The following PDE11A variants were observed in gnomAD, a reference collection of about 807,000 sequenced individuals.
PDE11A encodes the protein phosphodiesterase 11A.
In PDE11A, 100 loss-of-function variants were observed where a neutral mutation model predicts 100.5. That is an observed-to-expected ratio of 1.00 (90% CI 0.85 to 1.18). PDE11A has a LOEUF of 1.18. Among genes scored for constraint, PDE11A ranks in the 50% most tolerant of loss-of-function variants. PDE11A has a pLI of 0.00. For missense variants in PDE11A, 1,141 were observed against 1,152.6 expected (o/e 0.99, Z 0.15); for synonymous variants, 381 against 420.8 (o/e 0.91, Z 1.16).
At chr2:177,869,204 A>G (rs1254809877) in intron 5 of PDE11A, among the ~76,000 whole-genome samples, 1 of 152,164 alleles carries the variant, frequency 6.6e-6, no homozygotes, top group African/African-American at 2.4e-5. Flanking sequence ...TTAAAACAAC[A>G]CCTATTTATT....
rs558835192 is a variant in PDE11A at position 177,910,865 on chromosome 2, C to T, written c.1072-5678G>A. Among the ~76,000 whole-genome samples the T allele has an allele frequency of 2.6e-5, 4 of 152,260 alleles. No individual in the cohort carries two copies. In the East Asian group the frequency reaches 7.7e-4, roughly 29 times the overall value. ...GCCACAGAGAAAGGCTATTAAAGCC[C>T]CATTGTGTGGTCTGGTCCAATTATA... On this transcript the variant is annotated intron_variant, in intron 2 of 19. Coordinates refer to ENST00000286063, the MANE Select transcript of PDE11A (RefSeq NM_016953.4).
chr2:177,727,779 G>A lies in PDE11A; in HGVS notation c.1936-14C>T. 6.8e-7 allele frequency: 1 copy of A among 1,465,628 alleles called. No individual in the cohort carries two copies. The highest frequency in any genetic ancestry group is 9.6e-7 in the Non-Finnish European group (1 of 1,044,562). The allele number at this position is 1,465,628 out of a possible 1,614,324, so 90.8% of individuals were successfully genotyped here. ...CCTACACAGTGTCTGAAATGGGAGGGAGAGGGTGCGTCAGGCAGTTGTAAG... is the reference window on the plus strand; with the variant it reads ...CCTACACAGTGTCTGAAATGGGAGGAAGAGGGTGCGTCAGGCAGTTGTAAG... On this transcript the variant is annotated splice_polypyrimidine_tract_variant and intron_variant, in intron 11 of 19. Transcript: ENST00000286063.
At chr2:177,931,132 GACA>G (rs1042799399) in intron 2 of PDE11A, among the ~76,000 whole-genome samples, 23 of 151,834 alleles carry the variant, frequency 1.5e-4, no homozygotes, top group African/African-American at 4.6e-4. Context: ...CTCCAGCCTG[GACA>G]ACAAGAGCGA....
In PDE11A at chr2:177,651,626, C is replaced by CT. The variant is rs112366605; in HGVS notation, c.2646+12239dup. Reference sequence around the variant, plus strand: ...CTCCTCTTAGGCCCTCTTCTTAGGTCTTTTTTTTTCTCCCTCCTGCTGTCT... The same window carrying CT: ...CTCCTCTTAGGCCCTCTTCTTAGGTCTTTTTTTTTTCTCCCTCCTGCTGTCT... On this transcript the variant is annotated intron_variant, in intron 19 of 19. Coordinates refer to ENST00000286063, the MANE Select transcript of PDE11A (RefSeq NM_016953.4). Among the ~76,000 whole-genome samples the CT allele has an allele frequency of 3.5e-4, 53 of 151,442 alleles. 2 individuals are homozygous for CT. The highest frequency in any genetic ancestry group is 2.9e-3 in the Admixed American group (44 of 15,194).
intron 9 of PDE11A, among the ~76,000 whole-genome samples, chr2:177,778,539 A>G (rs566255016): frequency 1.5e-4 from 23 of 152,354 alleles, no homozygotes; most frequent in Non-Finnish European, 2.8e-4. Flanking sequence ...TGGATGGCCG[A>G]CTTAAGCTAA....
chr2:177,797,089 T>C (rs2082717358), intron 9 of PDE11A: 1 of 152,218 alleles, frequency 6.6e-6, no homozygotes, highest in South Asian at 2.1e-4. Flanking sequence ...TCTTCATTAT[T>C]TACCCTTAAT....
intron 2 of PDE11A, among the ~76,000 whole-genome samples, chr2:177,985,528 T>C (rs1473379156): frequency 6.6e-6 from 1 of 152,220 alleles, no homozygotes; most frequent in Non-Finnish European, 1.5e-5. Flanking sequence ...GATAATATTC[T>C]CTTCTCACTT....
intron 9 of PDE11A, among the ~76,000 whole-genome samples, chr2:177,785,275 G>C (rs901433820): frequency 1.1e-4 from 16 of 149,920 alleles, no homozygotes; most frequent in Non-Finnish European, 1.9e-4. Flanking sequence ...AGTGTAATAT[G>C]ATCATGGGCC....
intron 9 of PDE11A, among the ~76,000 whole-genome samples, chr2:177,805,315 T>C (rs2082854023): frequency 6.6e-6 from 1 of 152,050 alleles, no homozygotes; most frequent in Non-Finnish European, 1.5e-5. Flanking sequence ...TATTACTATA[T>C]TCTGGTTTCC....
chr2:177,859,837 G>T (rs1007553248), intron 5 of PDE11A, among the ~76,000 whole-genome samples: 2 of 151,804 alleles, frequency 1.3e-5, no homozygotes, highest in Non-Finnish European at 2.9e-5. Flanking sequence ...ACAAATATTG[G>T]TTAGTAAAAC....
chr2:177,924,228 A>C (rs1192274242), intron 2 of PDE11A, among the ~76,000 whole-genome samples: 1 of 152,234 alleles, frequency 6.6e-6, no homozygotes, highest in Non-Finnish European at 1.5e-5. Context: ...ATATGATCAC[A>C]TATGAACCCA....
intron 5 of PDE11A, among the ~76,000 whole-genome samples, chr2:177,852,023 T>C (rs1185997642): frequency 1.3e-5 from 2 of 152,140 alleles, no homozygotes; most frequent in African/African-American, 4.8e-5. Context: ...TACAGATGAC[T>C]CTTCTCTGTA....
chr2:177,886,648 A>T (rs2084435717), intron 4 of PDE11A, among the ~76,000 whole-genome samples: 1 of 152,250 alleles, frequency 6.6e-6, no homozygotes, highest in South Asian at 2.1e-4. Context: ...TAAAATAGAA[A>T]TAAAACTTAC....
At chr2:178,106,048 G>T (rs1413490057) in intron 1 of PDE11A, among the ~76,000 whole-genome samples, 1 of 152,250 alleles carries the variant, frequency 6.6e-6, no homozygotes, top group Non-Finnish European at 1.5e-5. Context: ...AGCACATATT[G>T]ATCTATCAAT....
chr2:177,773,406 C>A (rs997889381), intron 9 of PDE11A, among the ~76,000 whole-genome samples: 1 of 152,076 alleles, frequency 6.6e-6, no homozygotes, highest in Admixed American at 6.6e-5. Flanking sequence ...ATGTTTAGGT[C>A]TATGATACAT....
intron 18 of PDE11A, among the ~76,000 whole-genome samples, chr2:177,665,877 T>C (rs2080570711): frequency 6.7e-6 from 1 of 149,170 alleles, no homozygotes; most frequent in African/African-American, 2.5e-5. Context: ...AAAAAAAAAT[T>C]ATGTTTTCTT....
chr2:177,870,923 T>C (rs911652177), intron 5 of PDE11A, among the ~76,000 whole-genome samples: 1 of 152,226 alleles, frequency 6.6e-6, no homozygotes, highest in South Asian at 2.1e-4. Flanking sequence ...AAAGTATTCA[T>C]TCTGGAAATA....
At chr2:177,734,579 A>G (rs905879958) in intron 10 of PDE11A, among the ~76,000 whole-genome samples, 6 of 152,180 alleles carry the variant, frequency 3.9e-5, no homozygotes, top group Non-Finnish European at 8.8e-5. Context: ...TTTGCCTTGT[A>G]GTTGCCTAGA....
intron 4 of PDE11A, among the ~76,000 whole-genome samples, chr2:177,879,356 TA>T (rs2084293377): frequency 6.6e-6 from 1 of 152,234 alleles, no homozygotes; most frequent in Non-Finnish European, 1.5e-5. Flanking sequence ...TTTGATGAGT[TA>T]AACAAATCTT....
Sources: gnomAD v4.1 joint callset for allele counts (sites outside exome capture counted in the v4.1 genomes callset) on GRCh38, gnomAD v4.1.1 for gene constraint, MANE v1.5 for transcripts, NCBI Gene and HGNC (gene_info 2026-07-23, HGNC 2026-07-21) for gene names.